Variants in NUP85 observed in about 807,000 individuals in gnomAD.
NUP85 encodes nucleoporin 85.
A neutral mutation model predicts 92.8 loss-of-function variants in NUP85; 23 were observed. The observed-to-expected ratio is 0.25, with a 90% CI of 0.18 to 0.35. The LOEUF is 0.35. Among genes scored for constraint, NUP85 ranks in the 10% least tolerant of loss-of-function variants. The pLI, the probability that NUP85 is intolerant of heterozygous loss-of-function variation, is 1.00. For synonymous variants in NUP85, 314 were observed against 306.9 expected (o/e 1.02, Z -0.24); for missense variants, 759 against 822.8 (o/e 0.92, Z 0.95).
intron 11 of NUP85, among the ~76,000 whole-genome samples, chr17:75,227,239 G>C (rs764321164): frequency 1.3e-5 from 2 of 150,202 alleles, no homozygotes; most frequent in Admixed American, 6.7e-5. Flanking sequence ...TGCTTTTCTT[G>C]TTTTGGCCAA....
intron 11 of NUP85, among the ~76,000 whole-genome samples, chr17:75,230,504 T>A (rs1463164290): frequency 6.6e-6 from 1 of 151,756 alleles, no homozygotes; most frequent in Non-Finnish European, 1.5e-5. Flanking sequence ...GGACTACAGG[T>A]GTCCGCCACA....
At chr17:75,229,723 C>G (rs2075969140) in intron 11 of NUP85, among the ~76,000 whole-genome samples, 1 of 152,134 alleles carries the variant, frequency 6.6e-6, no homozygotes, top group Non-Finnish European at 1.5e-5. Context: ...GTTCTCTGCT[C>G]TCAGTGCTTG....
In NUP85 at chr17:75,231,255, T is replaced by C; in HGVS notation, c.1095-85T>C. 4 of 1,237,996 alleles carry C rather than the reference T, an allele frequency of 3.2e-6. No individual in the cohort carries two copies. Among genetic ancestry groups the C allele is most frequent in the Non-Finnish European group, 3.6e-6 (3 of 841,946 alleles). 76.7% of individuals were successfully genotyped at this position (1,237,996 alleles called of 1,614,324 possible). ...CCCCATCTCTTTGAGGGACAGGACATGTGGGGTTTCTTGCTCACCCCCACT... is the reference window on the plus strand; with the variant it reads ...CCCCATCTCTTTGAGGGACAGGACACGTGGGGTTTCTTGCTCACCCCCACT... On this transcript the variant is annotated intron_variant, in intron 11 of 18. Transcript: ENST00000245544. The surrounding 1 kb of genome is among the most constrained non-coding windows in gnomAD (Gnocchi z 4.6).
rs759056146 is a variant in NUP85 at position 75,205,739 on chromosome 17, C to T, written c.-23C>T. On this transcript the variant is annotated 5_prime_UTR_variant, in exon 1 of 19. Coordinates refer to ENST00000245544, the MANE Select transcript of NUP85 (RefSeq NM_024844.5). ...GGAAGCATTGGCGTCCGAGCGACTT[C>T]TAGGAGCCTGGGGTTCGGCGCTATG... is the stretch of plus-strand genomic sequence containing the variant. 32 of 1,614,022 alleles carry T rather than the reference C, an allele frequency of 2.0e-5. No individual in the cohort carries two copies. Among genetic ancestry groups the T allele is most frequent in the Non-Finnish European group, 2.4e-5 (28 of 1,180,020 alleles).
chr17:75,234,761 C>T lies in NUP85; in HGVS notation c.1740C>T (p.Asp580=), dbSNP rs9988. ...CTTTCTGGATGACTCTGCTGACAGACGCCTTGCCCCTTTTGGAACAGAAAC... is the reference window on the plus strand; with the variant it reads ...CTTTCTGGATGACTCTGCTGACAGATGCCTTGCCCCTTTTGGAACAGAAAC... ...PRSFWMTLLT[D]ALPLLEQKQV... The change falls in exon 17 of 19, where the codon GAC becomes GAT. Residue 580 remains aspartate, a synonymous_variant. Transcript: ENST00000245544. 0.84 allele frequency: 1,360,026 copies of T among 1,613,936 alleles called. 574,339 individuals carry two copies. The highest frequency in any genetic ancestry group is 0.95 in the East Asian group (42,509 of 44,878).
Position 75,235,706 on chromosome 17 carries a change from A to G in NUP85, c.*27A>G. 1.4e-6 allele frequency: 2 copies of G among 1,451,318 alleles called. No individual in the cohort carries two copies. The highest frequency in any genetic ancestry group is 3.6e-5 in the Admixed American group (2 of 56,148). 89.9% of individuals were successfully genotyped at this position (1,451,318 alleles called of 1,614,324 possible). On this transcript the variant is annotated 3_prime_UTR_variant, in exon 19 of 19. Transcript: ENST00000245544. ...AACTGCTTCAATGTGGTATCTTTGTATGGCAATGTATATAGATTTTTTTAA... is the reference window on the plus strand; with the variant it reads ...AACTGCTTCAATGTGGTATCTTTGTGTGGCAATGTATATAGATTTTTTTAA...
Position 75,231,767 on chromosome 17 carries a change from G to A in NUP85, c.1245-61G>A, listed in dbSNP as rs989729219. The A allele has an allele frequency of 1.9e-6, 3 of 1,609,444 alleles. No individual in the cohort carries two copies. In the African/African-American group the frequency reaches 4.0e-5, roughly 22 times the overall value. On this transcript the variant is annotated intron_variant, in intron 13 of 18. Coordinates refer to ENST00000245544, the MANE Select transcript of NUP85 (RefSeq NM_024844.5). This position sits in a 1 kb window ranked among gnomAD's most constrained non-coding sequence, Gnocchi z 4.6. Reference sequence around the variant, plus strand: ...GAAGGGTCAGTGAAAGGGAGCTGTAGGTGCCAGTCCTCGGAGCCATGAGGC... The same window carrying A: ...GAAGGGTCAGTGAAAGGGAGCTGTAAGTGCCAGTCCTCGGAGCCATGAGGC...
chr17:75,206,165 G>A lies in NUP85; in HGVS notation c.33+371G>A, dbSNP rs758587424. ...TAAGCTCTGCATCGCGGCACATTGA[G>A]CTTCTGCCTGTGTGGCCTAAGGTTT... On this transcript the variant is annotated intron_variant, in intron 1 of 18. Coordinates refer to ENST00000245544, the MANE Select transcript of NUP85 (RefSeq NM_024844.5). Among the ~76,000 whole-genome samples, 40 of 152,144 alleles carry A rather than the reference G, an allele frequency of 2.6e-4. 1 individual carries two copies. The highest frequency in any genetic ancestry group is 1.5e-3 in the Admixed American group (23 of 15,256).
intron 3 of NUP85, among the ~76,000 whole-genome samples, chr17:75,210,831 A>T (rs1467015192): frequency 2.6e-5 from 4 of 151,604 alleles, no homozygotes; most frequent in African/African-American, 4.9e-5. Context: ...CCTCCCGAGT[A>T]GCTGGGACTA....
chr17:75,216,988 C>G (rs969709197), intron 6 of NUP85, among the ~76,000 whole-genome samples: 4 of 152,124 alleles, frequency 2.6e-5, no homozygotes, highest in African/African-American at 9.7e-5. Context: ...CAGGCTCAAG[C>G]GATCCTCCTG....
At position 75,231,740 on chromosome 17, in the gene NUP85, C is replaced by T. The variant is rs1001363867; in HGVS notation, c.1245-88C>T. ...CTCCCAGTTGGCTCCTTGAAGGCTTCGGAAGGGTCAGTGAAAGGGAGCTGT... is the reference window on the plus strand; with the variant it reads ...CTCCCAGTTGGCTCCTTGAAGGCTTTGGAAGGGTCAGTGAAAGGGAGCTGT... On this transcript the variant is annotated intron_variant, in intron 13 of 18. Coordinates refer to ENST00000245544, the MANE Select transcript of NUP85 (RefSeq NM_024844.5). This position sits in a 1 kb window ranked among gnomAD's most constrained non-coding sequence, Gnocchi z 4.6. 21 of 1,605,740 alleles carry T rather than the reference C, an allele frequency of 1.3e-5. No individual in the cohort carries two copies. The highest frequency in any genetic ancestry group is 3.3e-4 in the Middle Eastern group (2 of 6,062).
At chr17:75,235,050 A>G (rs762985156) in intron 17 of NUP85, 50 bp from the exon 18 acceptor site, 1 of 1,460,010 alleles carries the variant, frequency 6.8e-7, no homozygotes, top group Non-Finnish European at 9.6e-7. Context: ...GCCCCAACCA[A>G]TGCAGGCCAG....
chr17:75,235,463 C>T (rs1374660548), intron 18 of NUP85, 115 bp from the exon 19 acceptor site: 8 of 708,562 alleles, frequency 1.1e-5, no homozygotes, highest in Non-Finnish European at 1.7e-5. Flanking sequence ...CGATAATTTG[C>T]TGGAAGCTAC....
intron 1 of NUP85, among the ~76,000 whole-genome samples, chr17:75,206,743 G>A (rs771190297): frequency 6.6e-6 from 1 of 152,120 alleles, no homozygotes; most frequent in Non-Finnish European, 1.5e-5. Context: ...TGTCTCCCAG[G>A]CTGGAGTGCA....
Position 75,231,877 on chromosome 17 carries a change from C to T in NUP85, c.1294C>T (p.Arg432Ter). ...DYFDYCPELG[R>*]VSLELHIERI... ...CTTTGATTACTGCCCCGAGCTGGGC[C>T]GAGTCTCCCTGGAGCTGCACATTGA... The change falls in exon 14 of 19, where the codon CGA becomes TGA. Residue 432 changes from arginine (R) to a stop codon, truncating the protein, a stop_gained. Transcript: ENST00000245544. LOFTEE classifies it high-confidence loss of function. This position sits in a 1 kb window ranked among gnomAD's most constrained non-coding sequence, Gnocchi z 4.6. The T allele has an allele frequency of 1.2e-6, 2 of 1,614,186 alleles. No homozygotes were observed. The highest frequency in any genetic ancestry group is 1.7e-6 in the Non-Finnish European group (2 of 1,180,018).
At chr17:75,215,617 A>C in intron 5 of NUP85, 137 bp from the exon 6 acceptor site, 1 of 718,672 alleles carries the variant, frequency 1.4e-6, no homozygotes, top group East Asian at 2.6e-5. Flanking sequence ...CCCTGTGGGA[A>C]ATCCTCCAGT....
intron 3 of NUP85, among the ~76,000 whole-genome samples, chr17:75,211,716 C>G (rs865856542): frequency 6.6e-6 from 1 of 152,072 alleles, no homozygotes; most frequent in African/African-American, 2.4e-5. Context: ...ATTTATGTAT[C>G]TTTTTTATTT....
Position 75,235,571 on chromosome 17 carries a change from T to C in NUP85, c.1870-7T>C, listed in dbSNP as rs764443445. On this transcript the variant is annotated splice_region_variant and splice_polypyrimidine_tract_variant and intron_variant, in intron 18 of 18. Coordinates refer to ENST00000245544, the MANE Select transcript of NUP85 (RefSeq NM_024844.5). ...CTTAGCTCATGCTGGCGCTCTCTGC[T>C]TTGCAGGATGATGACATAGAGACCA... 1.9e-6 allele frequency: 3 copies of C among 1,609,516 alleles called. No individual in the cohort carries two copies. The highest frequency in any genetic ancestry group is 1.1e-5 in the South Asian group (1 of 90,976).
intron 4 of NUP85, among the ~76,000 whole-genome samples, 185 bp downstream of exon 4, chr17:75,212,247 G>GTTTTTTTT (rs1219393857): frequency 5.4e-4 from 2 of 3,670 alleles, no homozygotes; most frequent in African/African-American, 6.9e-4. Flanking sequence ...TTTTGTTGTT[G>GTTTTTTTT]TTTTTTTTTT....
Sources: allele counts gnomAD v4.1 joint callset (sites outside exome capture counted in the v4.1 genomes callset), GRCh38; gene constraint gnomAD v4.1.1; non-coding constraint Gnocchi (gnomAD v3.1); transcripts MANE v1.5; gene names NCBI Gene and HGNC (gene_info 2026-07-23, HGNC 2026-07-21).